The following NAV3 variants were observed in gnomAD, a reference collection of about 807,000 sequenced individuals.
NAV3 encodes pore membrane and/or filament interacting like protein 1.
NAV3 carries 87 observed loss-of-function variants against 244.7 expected under a neutral mutation model. The observed-to-expected ratio is 0.36, with a 90% CI of 0.30 to 0.42. NAV3 has a LOEUF of 0.42. NAV3 is among the 20% of genes least tolerant of loss of function. The pLI is 1.00. For synonymous variants in NAV3, 1,126 were observed against 1,042.2 expected (o/e 1.08, Z -1.55); for missense variants, 2,663 against 2,893.3 (o/e 0.92, Z 1.83).
At chr12:78,200,625 T>TAAAAAA in intron 38 of NAV3, 34 bp downstream of exon 38, 2 of 1,036,810 alleles carry the variant, frequency 1.9e-6, no homozygotes, top group Non-Finnish European at 2.7e-6. Context: ...TATTTTTTTT[T>TAAAAAA]AAAAAAAAAA....
intron 5 of NAV3, among the ~76,000 whole-genome samples, chr12:77,972,085 AG>A (rs1412830995): frequency 1.3e-5 from 2 of 152,220 alleles, no homozygotes; most frequent in East Asian, 3.8e-4. Flanking sequence ...AGGAAAGAAT[AG>A]AGTAAGAAAT....
intron 2 of NAV3, among the ~76,000 whole-genome samples, chr12:77,792,565 C>T (rs1871229637): frequency 6.6e-6 from 1 of 152,176 alleles, no homozygotes; most frequent in Non-Finnish European, 1.5e-5. Flanking sequence ...TCAAGCATGG[C>T]TAAGGGATAC....
At chr12:77,818,689 G>T (rs767960591) in intron 2 of NAV3, among the ~76,000 whole-genome samples, 5 of 152,014 alleles carry the variant, frequency 3.3e-5, no homozygotes, top group Non-Finnish European at 7.4e-5. Context: ...GTCTCCATTA[G>T]AAAAGTGTTT....
chr12:78,182,279 A>T (rs1177314108), intron 30 of NAV3, among the ~76,000 whole-genome samples: 1 of 152,050 alleles, frequency 6.6e-6, no homozygotes, highest in Non-Finnish European at 1.5e-5. Flanking sequence ...GTTTAAATGT[A>T]TAGAATCTGG....
At chr12:78,011,268 T>G (rs1875223768) in intron 8 of NAV3, among the ~76,000 whole-genome samples, 1 of 152,142 alleles carries the variant, frequency 6.6e-6, no homozygotes, top group Non-Finnish European at 1.5e-5. Context: ...TGCTGCATAC[T>G]TTTTCATTTA....
chr12:77,935,384 G>A (rs77792045), intron 1 of NAV3, among the ~76,000 whole-genome samples: 156 of 152,220 alleles, frequency 1.0e-3, no homozygotes, highest in African/African-American at 3.6e-3. Flanking sequence ...AGCACTGTAA[G>A]AGAAATATCA....
chr12:78,210,004 T>G (rs1218138999), intron 39 of NAV3, among the ~76,000 whole-genome samples: 1 of 152,172 alleles, frequency 6.6e-6, no homozygotes, highest in Non-Finnish European at 1.5e-5. Context: ...TCTGTGTGTG[T>G]ATGAACATTC....
intron 5 of NAV3, among the ~76,000 whole-genome samples, chr12:77,976,976 G>T (rs181269171): frequency 1.3e-5 from 2 of 151,988 alleles, no homozygotes; most frequent in Non-Finnish European, 2.9e-5. Context: ...CACCCGGCCT[G>T]TACTGTATTC....
At chr12:78,047,966 A>G (rs934486481) in intron 9 of NAV3, among the ~76,000 whole-genome samples, 1 of 152,038 alleles carries the variant, frequency 6.6e-6, no homozygotes, top group Non-Finnish European at 1.5e-5. Flanking sequence ...TTCATCTTCA[A>G]TCTCGGATAT....
intron 12 of NAV3, among the ~76,000 whole-genome samples, chr12:78,078,966 C>T (rs1953208800): frequency 6.6e-6 from 1 of 152,188 alleles, no homozygotes; most frequent in South Asian, 2.1e-4. Flanking sequence ...AATAATGTTG[C>T]TGGTTTTTAA....
chr12:77,851,023 C>T (rs919143082), intron 1 of NAV3, among the ~76,000 whole-genome samples: 1 of 152,160 alleles, frequency 6.6e-6, no homozygotes, highest in Non-Finnish European at 1.5e-5. Context: ...TCATAGACAT[C>T]GGATACGCTG....
At chr12:77,967,832 A>C in intron 4 of NAV3, among the ~76,000 whole-genome samples, 1 of 152,168 alleles carries the variant, frequency 6.6e-6, no homozygotes, top group East Asian at 1.9e-4. Flanking sequence ...ATCTGACGTA[A>C]GCTAATCCTC....
At chr12:77,789,307 G>A (rs1199362514) in intron 2 of NAV3, among the ~76,000 whole-genome samples, 1 of 8,886 alleles carries the variant, frequency 1.1e-4, no homozygotes, top group Non-Finnish European at 6.7e-3. Flanking sequence ...TTAATCTTTA[G>A]CCCTTCCTTC....
intron 5 of NAV3, among the ~76,000 whole-genome samples, chr12:77,989,417 T>C (rs1593209453): frequency 6.6e-6 from 1 of 152,180 alleles, no homozygotes; most frequent in South Asian, 2.1e-4. Flanking sequence ...TGTTTGCCCA[T>C]TGGGCTTCCT....
At chr12:78,105,441 T>A (rs1479604801) in intron 12 of NAV3, among the ~76,000 whole-genome samples, 3 of 152,094 alleles carry the variant, frequency 2.0e-5, no homozygotes, top group African/African-American at 7.2e-5. Flanking sequence ...TGGTATCTAG[T>A]CACCAGGAAG....
At chr12:77,860,145 T>C (rs568545975) in intron 1 of NAV3, among the ~76,000 whole-genome samples, 3 of 151,902 alleles carry the variant, frequency 2.0e-5, no homozygotes, top group Non-Finnish European at 2.9e-5. Context: ...TATATATTTG[T>C]ATGTATGTGT....
At chr12:77,791,032 G>T (rs538050902) in intron 2 of NAV3, among the ~76,000 whole-genome samples, 2 of 152,146 alleles carry the variant, frequency 1.3e-5, no homozygotes, top group African/African-American at 4.8e-5. Context: ...TCAAGTTGGT[G>T]CTTTCTTTGT....
In NAV3 at chr12:78,133,627, A is replaced by G. The variant is rs978862369; in HGVS notation, c.4442-3550A>G. On this transcript the variant is annotated intron_variant, in intron 18 of 39. Coordinates refer to ENST00000397909, the MANE Select transcript of NAV3 (RefSeq NM_001024383.2). ...TAAAAAATCACAACATATATTAGAA[A>G]ATTAAGATCACTACAATATGTCATA... is the stretch of plus-strand genomic sequence containing the variant. Among the ~76,000 whole-genome samples the G allele has an allele frequency of 2.6e-5, 4 of 152,024 alleles. No homozygotes were observed. The South Asian group carries it at 8.3e-4, about 32-fold the overall frequency.
chr12:77,772,830 A>G (rs1870163225), intron 2 of NAV3, among the ~76,000 whole-genome samples: 1 of 152,184 alleles, frequency 6.6e-6, no homozygotes, highest in African/African-American at 2.4e-5. Flanking sequence ...ATGTTACATG[A>G]TATCACTCAG....
Sources: allele counts gnomAD v4.1 joint callset (sites outside exome capture counted in the v4.1 genomes callset), GRCh38; gene constraint gnomAD v4.1.1; transcripts MANE v1.5; gene names NCBI Gene and HGNC (gene_info 2026-07-23, HGNC 2026-07-21).